CACNB4: variants seen among roughly 807,000 people sequenced by gnomAD.
The protein encoded by CACNB4 is calcium voltage-gated channel auxiliary subunit beta 4, also known as voltage-dependent L-type calcium channel subunit beta-4.
In CACNB4, 32 loss-of-function variants were observed where a neutral mutation model predicts 71.2. The ratio of observed to expected loss-of-function variants is 0.45; its 90% CI spans 0.34 to 0.60. The LOEUF is 0.60. Among genes scored for constraint, CACNB4 ranks in the 20% least tolerant of loss-of-function variants. The probability of loss-of-function intolerance (pLI) is 0.01; values close to 1 mark genes in which losing one functional copy is unlikely to be tolerated. For synonymous variants in CACNB4, 231 were observed against 236.9 expected (o/e 0.97, Z 0.23); for missense variants, 464 against 647.9 (o/e 0.72, Z 3.08).
At chr2:152,080,126 T>C (rs913768560) in intron 2 of CACNB4, among the ~76,000 whole-genome samples, 3 of 151,386 alleles carry the variant, frequency 2.0e-5, no homozygotes, top group Non-Finnish European at 2.9e-5. Flanking sequence ...TAATTTACTG[T>C]CTTTTTTTTT....
At chr2:151,978,135 A>G (rs768478880) in intron 2 of CACNB4, among the ~76,000 whole-genome samples, 1 of 151,872 alleles carries the variant, frequency 6.6e-6, no homozygotes, top group Non-Finnish European at 1.5e-5. Flanking sequence ...CAAAAAAACT[A>G]CAGACAACAG....
chr2:151,908,986 G>A (rs1402273871), intron 2 of CACNB4, among the ~76,000 whole-genome samples: 1 of 151,086 alleles, frequency 6.6e-6, no homozygotes, highest in Non-Finnish European at 1.5e-5. Flanking sequence ...AAAGGGAACA[G>A]GTGTTATGCT....
chr2:152,096,870 G>A (rs942585145), intron 2 of CACNB4, among the ~76,000 whole-genome samples: 1 of 152,186 alleles, frequency 6.6e-6, no homozygotes, highest in Non-Finnish European at 1.5e-5. Context: ...TAGTCAAACA[G>A]CTTATGGAAA....
At chr2:152,071,830 C>T (rs1011956896) in intron 2 of CACNB4, among the ~76,000 whole-genome samples, 1 of 152,162 alleles carries the variant, frequency 6.6e-6, no homozygotes, top group African/African-American at 2.4e-5. Context: ...TTTATTCATT[C>T]AACAAACATA....
intron 2 of CACNB4, among the ~76,000 whole-genome samples, chr2:152,004,775 T>G (rs1217641198): frequency 6.6e-6 from 1 of 152,226 alleles, no homozygotes; most frequent in Non-Finnish European, 1.5e-5. Flanking sequence ...TCAGAGGCAC[T>G]GTGGCAACCA....
chr2:151,970,038 TTG>T (rs946776674), intron 2 of CACNB4: 1 of 152,134 alleles, frequency 6.6e-6, no homozygotes, highest in Non-Finnish European at 1.5e-5. Flanking sequence ...ATGGAAGCAA[TTG>T]TGTCAGAGAA....
intron 2 of CACNB4, among the ~76,000 whole-genome samples, chr2:151,999,498 CACA>C (rs934117563): frequency 9.2e-5 from 14 of 151,802 alleles, no homozygotes; most frequent in African/African-American, 2.4e-4. Context: ...TTTTAAAATG[CACA>C]ACAACAGCCC....
At chr2:151,902,032 C>CTTTTTTTTTT (rs70974804) in intron 2 of CACNB4, among the ~76,000 whole-genome samples, 1 of 130,228 alleles carries the variant, frequency 7.7e-6, no homozygotes, top group Non-Finnish European at 1.6e-5. Flanking sequence ...ACAACATCAC[C>CTTTTTTTTTT]TTTTTTTTTT....
intron 2 of CACNB4, among the ~76,000 whole-genome samples, chr2:151,974,202 ATCT>A: frequency 6.6e-6 from 1 of 152,246 alleles, no homozygotes; most frequent in Non-Finnish European, 1.5e-5. Flanking sequence ...ACAACTGCTC[ATCT>A]TCTTAATTAA....
chr2:151,854,185 T>C (rs900751300), intron 11 of CACNB4: 3 of 152,454 alleles, frequency 2.0e-5, no homozygotes, highest in African/African-American at 7.2e-5. Flanking sequence ...CCCCAGGACA[T>C]AGGTGTCTGG....
intron 6 of CACNB4, chr2:151,872,007 G>A (rs1044987179): frequency 1.4e-5 from 3 of 218,680 alleles, no homozygotes; most frequent in South Asian, 6.1e-5. Context: ...CTTCCAGCTC[G>A]GGCTGTACTA....
intron 2 of CACNB4, among the ~76,000 whole-genome samples, chr2:152,009,506 G>A (rs1413761465): frequency 1.3e-5 from 2 of 152,198 alleles, no homozygotes; most frequent in Non-Finnish European, 2.9e-5. Flanking sequence ...TGTTACTAAC[G>A]GGGGAAACTC....
chr2:151,978,239 G>A (rs1205009695), intron 2 of CACNB4, among the ~76,000 whole-genome samples: 1 of 152,170 alleles, frequency 6.6e-6, no homozygotes, highest in East Asian at 1.9e-4. Context: ...CAGGCCCCAT[G>A]AAGACCATGG....
At position 151,839,354 on chromosome 2, in the gene CACNB4, T is replaced by C. The variant is rs763330914; in HGVS notation, c.1328A>G (p.His443Arg). ...TTCAATTGGAGAGTTCTCTGTGGAG[T>C]GGTTGCTGTGCCTCATTCGCTGACT... ...LQSQRMRHSN[H>R]STENSPIERR... is the part of the protein sequence containing the mutation. Residue 443 changes from histidine (H) to arginine (R), a missense_variant, in exon 14 of 14, where the codon CAC (histidine) becomes CGC (arginine). His to Arg is a conservative substitution (Grantham distance 29). Coordinates refer to ENST00000539935, the MANE Select transcript of CACNB4 (RefSeq NM_000726.5). 6.2e-7 allele frequency: 1 copy of C among 1,611,262 alleles called. No individual in the cohort carries two copies. Among genetic ancestry groups the C allele is most frequent in the Non-Finnish European group, 8.5e-7 (1 of 1,177,564 alleles).
chr2:151,958,936 G>A (rs953808639), intron 2 of CACNB4, among the ~76,000 whole-genome samples: 1 of 152,166 alleles, frequency 6.6e-6, no homozygotes, highest in Non-Finnish European at 1.5e-5. Flanking sequence ...TTTCAAATGG[G>A]AGGCTAGGTA....
intron 2 of CACNB4, among the ~76,000 whole-genome samples, chr2:151,893,237 C>T (rs921962270): frequency 6.6e-6 from 1 of 151,884 alleles, no homozygotes; most frequent in Non-Finnish European, 1.5e-5. Context: ...AAAAATAGAT[C>T]CCTATTTTAT....
intron 2 of CACNB4, among the ~76,000 whole-genome samples, chr2:151,902,568 T>C (rs2099853745): frequency 6.6e-6 from 1 of 152,238 alleles, no homozygotes; most frequent in African/African-American, 2.4e-5. Flanking sequence ...TGTCTTGACA[T>C]ATTCTCTATG....
At chr2:152,017,622 C>A (rs1410687123) in intron 2 of CACNB4, among the ~76,000 whole-genome samples, 1 of 151,720 alleles carries the variant, frequency 6.6e-6, no homozygotes, top group Non-Finnish European at 1.5e-5. Flanking sequence ...GCAGGTGAAT[C>A]ACTTGAACCC....
At chr2:151,929,460 C>T (rs1265870819) in intron 2 of CACNB4, among the ~76,000 whole-genome samples, 3 of 152,116 alleles carry the variant, frequency 2.0e-5, no homozygotes, top group African/African-American at 7.2e-5. Context: ...TTTAATGACC[C>T]ACAAATGGGT....
Sources: gnomAD v4.1 joint callset for allele counts (sites outside exome capture counted in the v4.1 genomes callset) on GRCh38, gnomAD v4.1.1 for gene constraint, MANE v1.5 for transcripts, NCBI Gene and HGNC (gene_info 2026-07-23, HGNC 2026-07-21) for gene names.